DPP6: variants seen among roughly 807,000 people sequenced by gnomAD.
The protein encoded by DPP6 is A-type potassium channel modulatory protein DPP6.
In DPP6, 69 loss-of-function variants were observed where a neutral mutation model predicts 122.6. That is an observed-to-expected ratio of 0.56 (90% CI 0.46 to 0.69). DPP6 has a LOEUF of 0.69. DPP6 is among the 30% of genes least tolerant of loss of function. DPP6 has a pLI of 0.00. For missense variants in DPP6, 928 were observed against 1,116.9 expected, an observed-to-expected ratio of 0.83 and a Z score of 2.41; for synonymous variants, 418 against 433.1, an observed-to-expected ratio of 0.97 and a Z score of 0.43.
chr7:154,057,574 G>A (rs1395099104), intron 1 of DPP6: 1 of 150,930 alleles, frequency 6.6e-6, no homozygotes. Flanking sequence ...CAATCTACCG[G>A]AGCTTAAGGG....
At chr7:154,335,217 G>A (rs1479400173) in intron 1 of DPP6, among the ~76,000 whole-genome samples, 1 of 152,152 alleles carries the variant, frequency 6.6e-6, no homozygotes, top group African/African-American at 2.4e-5. Context: ...GAAAGCAATG[G>A]GTAATTGCCA....
intron 21 of DPP6, 186 bp from the exon 22 acceptor site, chr7:154,885,447 G>A: frequency 4.0e-6 from 3 of 748,842 alleles, no homozygotes; most frequent in Non-Finnish European, 6.3e-6. Context: ...ATAATGCTGA[G>A]TTGGAAGGGA....
intron 8 of DPP6, among the ~76,000 whole-genome samples, chr7:154,766,950 G>T (rs887494127): frequency 1.6e-4 from 24 of 152,334 alleles, no homozygotes; most frequent in African/African-American, 5.8e-4. Context: ...CTACGGGGTA[G>T]GAATGAAAGT....
chr7:154,807,303 G>A (rs573691898), intron 16 of DPP6, among the ~76,000 whole-genome samples, 191 bp downstream of exon 16: 1 of 152,292 alleles, frequency 6.6e-6, no homozygotes, highest in East Asian at 1.9e-4. Flanking sequence ...AGAGCCTGGT[G>A]CAGTGGGGCT....
chr7:154,436,695 C>G (rs996432334), intron 1 of DPP6, among the ~76,000 whole-genome samples: 1 of 152,162 alleles, frequency 6.6e-6, no homozygotes, highest in African/African-American at 2.4e-5. Flanking sequence ...GTGAAATAGC[C>G]CATTCAGGTC....
the DPP6 span, among the ~76,000 whole-genome samples, chr7:153,804,206 C>T: frequency 1.3e-5 from 2 of 152,002 alleles, no homozygotes; most frequent in Non-Finnish European, 2.9e-5. Flanking sequence ...TGCACCACCA[C>T]ACCCAGCTAA....
chr7:154,227,573 A>G (rs1054719532), intron 1 of DPP6, among the ~76,000 whole-genome samples: 4 of 152,196 alleles, frequency 2.6e-5, no homozygotes, highest in African/African-American at 4.8e-5. Flanking sequence ...TTATATCACA[A>G]TAATAATATT....
intron 1 of DPP6, among the ~76,000 whole-genome samples, chr7:153,959,394 G>A (rs1042621978): frequency 4.6e-5 from 7 of 152,170 alleles, no homozygotes; most frequent in African/African-American, 7.2e-5. Context: ...CAAACTAGGA[G>A]TCCCCTAATT....
intron 8 of DPP6, among the ~76,000 whole-genome samples, chr7:154,759,717 C>A (rs531306623): frequency 3.3e-5 from 5 of 152,250 alleles, no homozygotes; most frequent in Non-Finnish European, 5.9e-5. Context: ...CCCTGTAAGG[C>A]CCCTCTCTGT....
rs181026496 is a variant in DPP6, at chr7:154,304,257, C to T, written c.244-141957C>T. Among the ~76,000 whole-genome samples the T allele has an allele frequency of 6.9e-3, 1,050 of 152,342 alleles. 15 individuals carry two copies. The highest frequency in any genetic ancestry group is 0.024 in the African/African-American group (996 of 41,576). On this transcript the variant is annotated intron_variant, in intron 1 of 25. Transcript: ENST00000377770. Reference sequence around the variant, plus strand: ...GGAGTGCAGAGAAAGAGTGCCAGGCCTCTGGGCACTGAGTTCTGAGCTGCT... The same window carrying T: ...GGAGTGCAGAGAAAGAGTGCCAGGCTTCTGGGCACTGAGTTCTGAGCTGCT...
the DPP6 span, among the ~76,000 whole-genome samples, chr7:153,843,205 T>C: frequency 1.3e-5 from 2 of 151,190 alleles, no homozygotes; most frequent in East Asian, 3.9e-4. Flanking sequence ...TACACACACG[T>C]GCACACACAC....
intron 5 of DPP6, among the ~76,000 whole-genome samples, chr7:154,619,058 G>A (rs1261463471): frequency 6.6e-6 from 1 of 152,180 alleles, no homozygotes; most frequent in African/African-American, 2.4e-5. Flanking sequence ...CCTGCCTGCT[G>A]CCATGTAAGA....
chr7:153,834,697 A>C, the DPP6 span, among the ~76,000 whole-genome samples: 1 of 152,206 alleles, frequency 6.6e-6, no homozygotes, highest in South Asian at 2.1e-4. Context: ...TGAAGTCAGG[A>C]GGGCCTATTA....
intron 5 of DPP6, 143 bp downstream of exon 5, chr7:154,567,059 C>T: frequency 1.6e-6 from 1 of 625,086 alleles, no homozygotes. Flanking sequence ...TTTTGCATAT[C>T]ATACTGCCAC....
At chr7:154,857,758 T>C (rs989695195) in intron 17 of DPP6, among the ~76,000 whole-genome samples, 1 of 152,058 alleles carries the variant, frequency 6.6e-6, no homozygotes, top group African/African-American at 2.4e-5. Context: ...GGATGAAGGG[T>C]CCACAGCATG....
At chr7:154,672,685 A>G (rs1331268079) in intron 7 of DPP6, among the ~76,000 whole-genome samples, 2 of 152,230 alleles carry the variant, frequency 1.3e-5, no homozygotes, top group African/African-American at 4.8e-5. Flanking sequence ...TTTTAAATCC[A>G]TTTGACCTTT....
intron 1 of DPP6, among the ~76,000 whole-genome samples, chr7:153,917,134 C>G (rs531140741): frequency 6.6e-6 from 1 of 152,190 alleles, no homozygotes; most frequent in Non-Finnish European, 1.5e-5. Context: ...GATGCTGCAT[C>G]TGTGAGCTGT....
chr7:154,455,655 TAGA>T (rs1186637744), intron 2 of DPP6, among the ~76,000 whole-genome samples: 3 of 152,212 alleles, frequency 2.0e-5, no homozygotes, highest in Non-Finnish European at 4.4e-5. Flanking sequence ...TCATTAATTC[TAGA>T]AGGACTACTA....
chr7:154,179,159 G>A (rs1412476336), intron 1 of DPP6, among the ~76,000 whole-genome samples: 4 of 152,212 alleles, frequency 2.6e-5, no homozygotes, highest in Non-Finnish European at 5.9e-5. Flanking sequence ...ACCAGGCCTG[G>A]AGGAGATGAC....
Sources: gnomAD v4.1 joint callset for allele counts (sites outside exome capture counted in the v4.1 genomes callset) on GRCh38, gnomAD v4.1.1 for gene constraint, MANE v1.5 for transcripts, NCBI Gene and HGNC (gene_info 2026-07-23, HGNC 2026-07-21) for gene names.